Variants in EMP2 observed in about 807,000 individuals in gnomAD.
EMP2 encodes the protein epithelial membrane protein 2.
A neutral mutation model predicts 13.7 loss-of-function variants in EMP2; 19 were observed. The ratio of observed to expected loss-of-function variants is 1.38; its 90% CI spans 0.97 to 2.03. The LOEUF (loss-of-function observed/expected upper bound fraction) is 2.03. Among genes scored for constraint, EMP2 ranks in the 30% most tolerant of loss-of-function variants. The pLI, the probability that EMP2 is intolerant of heterozygous loss-of-function variation, is 0.00. For missense variants in EMP2, 253 were observed against 220.7 expected (o/e 1.15, Z -0.93); for synonymous variants, 97 against 84.7 (o/e 1.15, Z -0.80).
chr16:10,547,638 C>T lies in EMP2; in HGVS notation c.-21G>A, dbSNP rs554907223. The T allele has an allele frequency of 3.0e-5, 49 of 1,613,488 alleles. 1 individual carries two copies. Among genetic ancestry groups the T allele is most frequent in the South Asian group, 2.7e-4 (25 of 90,952 alleles). On this transcript the variant is annotated 5_prime_UTR_variant, in exon 2 of 5. Transcript: ENST00000359543. ...AACATTTTCACAGGGCAGGGCGAGT[C>T]GAGGCGAGGGGTCACGTTTAAAGCC...
At chr16:10,545,587 TG>T in intron 2 of EMP2, 1 of 161,296 alleles carries the variant, frequency 6.2e-6, no homozygotes, top group Non-Finnish European at 1.3e-5. Flanking sequence ...CTCTAATGCC[TG>T]ATGATCTGTC....
chr16:10,560,248 G>T (rs908805532), intron 1 of EMP2, among the ~76,000 whole-genome samples: 4 of 152,138 alleles, frequency 2.6e-5, no homozygotes, highest in Admixed American at 1.3e-4. Context: ...CCACATCCTG[G>T]GAACATGCTT....
Position 10,543,633 on chromosome 16 carries a change from C to T in EMP2, c.106G>A (p.Ala36Thr), listed in dbSNP as rs773645277. The T allele has an allele frequency of 6.2e-7, 1 of 1,614,198 alleles. No individual in the cohort carries two copies. Among genetic ancestry groups the T allele is most frequent in the Admixed American group, 1.7e-5 (1 of 60,024 alleles). ...NAWWVGDEFF[A>T]DVWRICTNNT... ...TTGGTACATATTCTCCAGACATCTGCAAAAAACTCATCTCCTACCCACCAG... is the reference window on the plus strand; with the variant it reads ...TTGGTACATATTCTCCAGACATCTGTAAAAAACTCATCTCCTACCCACCAG... The change falls in exon 3 of 5, where the codon GCA (alanine) becomes ACA (threonine). Residue 36 changes from alanine (A) to threonine (T), a missense_variant. Coordinates refer to ENST00000359543, the MANE Select transcript of EMP2 (RefSeq NM_001424.6).
At chr16:10,542,809 G>A (rs948393196) in intron 3 of EMP2, among the ~76,000 whole-genome samples, 2 of 152,184 alleles carry the variant, frequency 1.3e-5, no homozygotes, top group Non-Finnish European at 2.9e-5. Flanking sequence ...CCCAATGCAA[G>A]GCTACACAGC....
At chr16:10,578,383 G>A (rs943410307) in intron 1 of EMP2, among the ~76,000 whole-genome samples, 3 of 152,220 alleles carry the variant, frequency 2.0e-5, no homozygotes, top group African/African-American at 7.2e-5. Context: ...TCCGTTCCAG[G>A]AAGAAAGGAT....
At chr16:10,558,847 A>C (rs2050851700) in intron 1 of EMP2, 1 of 152,084 alleles carries the variant, frequency 6.6e-6, no homozygotes, top group African/African-American at 2.4e-5. Flanking sequence ...TGTTAAGATG[A>C]CCGCTCCGTC....
Position 10,529,640 on chromosome 16 carries a change from A to T in EMP2, c.*3265T>A, listed in dbSNP as rs1029986640. Reference sequence around the variant, plus strand: ...TTGTTTCCATCGTGACTACCAGAAAATTATAGAAGGCCAGACGCAGTGGCT... The same window carrying T: ...TTGTTTCCATCGTGACTACCAGAAATTTATAGAAGGCCAGACGCAGTGGCT... On this transcript the variant is annotated 3_prime_UTR_variant, in exon 5 of 5. Transcript: ENST00000359543. The T allele has an allele frequency of 2.0e-5, 3 of 152,134 alleles. No homozygotes were observed. Among genetic ancestry groups the T allele is most frequent in the Non-Finnish European group, 2.9e-5 (2 of 68,036 alleles). The allele number at this position is 152,134 out of a possible 1,614,324, so 9.4% of individuals were successfully genotyped here.
rs753489078 is a variant in EMP2, at chr16:10,547,524, A to T, written c.78+16T>A. The T allele has an allele frequency of 3.1e-6, 5 of 1,613,562 alleles. No homozygotes were observed. Among genetic ancestry groups the T allele is most frequent in the Non-Finnish European group, 4.2e-6 (5 of 1,179,896 alleles). ...GGACCCAGGTTTCTGCGTGAGTGGC[A>T]GGAAAGGAAACTTACATTGTCGACG... On this transcript the variant is annotated intron_variant, in intron 2 of 4. Coordinates refer to ENST00000359543, the MANE Select transcript of EMP2 (RefSeq NM_001424.6).
chr16:10,546,565 G>C (rs1004320010), intron 2 of EMP2: 2 of 152,196 alleles, frequency 1.3e-5, no homozygotes, highest in Non-Finnish European at 2.9e-5. Flanking sequence ...TAGCAACAAG[G>C]GACCCTGGTT....
At position 10,562,068 on chromosome 16, in the gene EMP2, T is replaced by C. The variant is rs376942033; in HGVS notation, c.-60-14391A>G. On this transcript the variant is annotated intron_variant, in intron 1 of 4. Transcript: ENST00000359543. ...GAGAAGGGGACACCCCACCTCATTC[T>C]GTGAGGCCAGCATTGCCTTGATTCC... is the stretch of plus-strand genomic sequence containing the variant. 9.2e-5 allele frequency among the ~76,000 whole-genome samples: 14 copies of C among 152,308 alleles called. No individual in the cohort carries two copies. The East Asian group carries it at 2.3e-3, about 25-fold the overall frequency.
intron 3 of EMP2, among the ~76,000 whole-genome samples, chr16:10,543,220 G>T (rs1216508920): frequency 6.6e-6 from 1 of 152,236 alleles, no homozygotes; most frequent in Non-Finnish European, 1.5e-5. Flanking sequence ...CCCATTTAGA[G>T]GCAAGGCTTG....
At chr16:10,570,065 G>A (rs550711349) in intron 1 of EMP2, among the ~76,000 whole-genome samples, 259 of 150,252 alleles carry the variant, frequency 1.7e-3, no homozygotes, top group African/African-American at 6.3e-3. Flanking sequence ...GATACATCGC[G>A]ATGGTTACCG....
Position 10,529,533 on chromosome 16 carries a change from A to T in EMP2, c.*3372T>A, listed in dbSNP as rs1329418516. The T allele has an allele frequency of 1.3e-5, 2 of 152,144 alleles. No individual in the cohort carries two copies. Among genetic ancestry groups the T allele is most frequent in the Admixed American group, 1.3e-4 (2 of 15,260 alleles). The allele number at this position is 152,144 out of a possible 1,614,324, so 9.4% of individuals were successfully genotyped here. A position where few individuals can be genotyped will look rare whatever the true frequency, so the allele number is the denominator to read the frequency against. On this transcript the variant is annotated 3_prime_UTR_variant, in exon 5 of 5. Transcript: ENST00000359543. ...ATTTCAGACCGCATTCAACACAGAT[A>T]CTCATGTAGCCCCGACGTTTCTTGT...
intron 2 of EMP2, chr16:10,547,325 C>T: frequency 1.9e-6 from 1 of 533,490 alleles, no homozygotes; most frequent in Non-Finnish European, 3.3e-6. Context: ...GCTCTCTTGC[C>T]TGCCACCATG....
intron 4 of EMP2, among the ~76,000 whole-genome samples, chr16:10,534,063 C>T (rs1418792301): frequency 6.6e-6 from 1 of 151,682 alleles, no homozygotes; most frequent in Non-Finnish European, 1.5e-5. Flanking sequence ...TGCAGTGAGC[C>T]GAGATCGCAC....
chr16:10,538,989 G>A (rs1048854608), intron 3 of EMP2, among the ~76,000 whole-genome samples: 5 of 151,902 alleles, frequency 3.3e-5, no homozygotes, highest in African/African-American at 9.7e-5. Flanking sequence ...AAAAATTTTT[G>A]TAGGGATGGA....
intron 1 of EMP2, among the ~76,000 whole-genome samples, chr16:10,559,714 G>C (rs903425133): frequency 6.6e-6 from 1 of 152,048 alleles, no homozygotes; most frequent in Non-Finnish European, 1.5e-5. Flanking sequence ...TCGCTGTGTT[G>C]CCCAGGCTAG....
rs191290996 is a variant in EMP2 at position 10,534,658 on chromosome 16, T to C, written c.317-1566A>G. On this transcript the variant is annotated intron_variant, in intron 4 of 4. Coordinates refer to ENST00000359543, the MANE Select transcript of EMP2 (RefSeq NM_001424.6). ...GTGCACACCTGTAGTCCCAGCTACTTGGGAGGCTGCGGCAGGAGAATCGCC... is the reference window on the plus strand; with the variant it reads ...GTGCACACCTGTAGTCCCAGCTACTCGGGAGGCTGCGGCAGGAGAATCGCC... Among the ~76,000 whole-genome samples the C allele has an allele frequency of 1.7e-3, 257 of 151,986 alleles. 2 individuals are homozygous for C. Among genetic ancestry groups the C allele is most frequent in the African/African-American group, 6.1e-3 (251 of 41,472 alleles).
chr16:10,537,427 C>T (rs1420497674), intron 4 of EMP2, among the ~76,000 whole-genome samples: 1 of 152,170 alleles, frequency 6.6e-6, no homozygotes, highest in Non-Finnish European at 1.5e-5. Flanking sequence ...GATGGCTTCC[C>T]ATCAGCTTAG....
Sources: allele counts gnomAD v4.1 joint callset (sites outside exome capture counted in the v4.1 genomes callset), GRCh38; gene constraint gnomAD v4.1.1; transcripts MANE v1.5; gene names NCBI Gene and HGNC (gene_info 2026-07-23, HGNC 2026-07-21).